ZNF385B: variants seen among roughly 807,000 people sequenced by gnomAD.
The protein encoded by ZNF385B is zinc finger protein 533.
In ZNF385B, 23 loss-of-function variants were observed where a neutral mutation model predicts 39.2. The observed-to-expected ratio is 0.59, with a 90% CI of 0.42 to 0.83. The LOEUF is 0.83. Among genes scored for constraint, ZNF385B ranks in the 40% least tolerant of loss-of-function variants. The probability of loss-of-function intolerance (pLI) is 0.00; values close to 1 mark genes in which losing one functional copy is unlikely to be tolerated. For synonymous variants in ZNF385B, 205 were observed against 222.6 expected, an observed-to-expected ratio of 0.92 and a Z score of 0.70; for missense variants, 552 against 598.9, an observed-to-expected ratio of 0.92 and a Z score of 0.82.
At chr2:179,810,342 A>AT (rs2106565732) in intron 1 of ZNF385B, among the ~76,000 whole-genome samples, 1 of 152,064 alleles carries the variant, frequency 6.6e-6, no homozygotes, top group African/African-American at 2.4e-5. Flanking sequence ...AAAATCTGAA[A>AT]TCTTAAAATG....
intron 3 of ZNF385B, among the ~76,000 whole-genome samples, chr2:179,654,743 TCTTA>T (rs1693561019): frequency 6.6e-6 from 1 of 152,194 alleles, no homozygotes; most frequent in African/African-American, 2.4e-5. Context: ...AACATTTGCC[TCTTA>T]CTGTCTTAAA....
At chr2:179,602,285 G>A (rs577096757) in intron 3 of ZNF385B, among the ~76,000 whole-genome samples, 9 of 152,142 alleles carry the variant, frequency 5.9e-5, no homozygotes, top group African/African-American at 9.6e-5. Flanking sequence ...AGGCTCTGTC[G>A]CCCTGGGTTC....
intron 3 of ZNF385B, chr2:179,745,624 G>GAC: frequency 8.8e-7 from 1 of 1,133,370 alleles, no homozygotes. Flanking sequence ...CACAATTGAG[G>GAC]ACTCCACAGG....
intron 3 of ZNF385B, among the ~76,000 whole-genome samples, chr2:179,657,873 T>C (rs1033971607): frequency 2.6e-5 from 4 of 152,180 alleles, no homozygotes; most frequent in African/African-American, 9.7e-5. Context: ...AAAGGACAAG[T>C]AGTTTTCGTG....
At chr2:179,515,791 T>C (rs1165331628) in intron 5 of ZNF385B, among the ~76,000 whole-genome samples, 1 of 152,162 alleles carries the variant, frequency 6.6e-6, no homozygotes, top group Non-Finnish European at 1.5e-5. Context: ...ACTCTATATA[T>C]AGTAAAATTT....
At chr2:179,538,864 A>G (rs2059744691) in intron 4 of ZNF385B, among the ~76,000 whole-genome samples, 1 of 152,242 alleles carries the variant, frequency 6.6e-6, no homozygotes, top group Non-Finnish European at 1.5e-5. Context: ...TCACAAAAAC[A>G]TTTCAAATAA....
Position 179,615,349 on chromosome 2 carries a change from G to T in ZNF385B, c.299-70380C>A, listed in dbSNP as rs538033488. On this transcript the variant is annotated intron_variant, in intron 3 of 9. Transcript: ENST00000410066. ...TATTATATAGTGTTTCTTAAAGTGT[G>T]GTCCTTGTACCAGCAGGAGAAGCAA... Among the ~76,000 whole-genome samples, 39 of 152,246 alleles carry T rather than the reference G, an allele frequency of 2.6e-4. 1 individual carries two copies. The highest frequency in any genetic ancestry group is 9.4e-4 in the African/African-American group (39 of 41,540).
intron 3 of ZNF385B, among the ~76,000 whole-genome samples, chr2:179,566,188 TGA>T (rs1684555923): frequency 1.3e-5 from 2 of 152,252 alleles, no homozygotes; most frequent in Non-Finnish European, 2.9e-5. Context: ...ACATGGATTA[TGA>T]GAATTACAGA....
chr2:179,761,276 A>G (rs1703369011), intron 3 of ZNF385B, among the ~76,000 whole-genome samples: 1 of 152,196 alleles, frequency 6.6e-6, no homozygotes, highest in Non-Finnish European at 1.5e-5. Flanking sequence ...TATGTCTACA[A>G]AAAGAACTTG....
intron 1 of ZNF385B, among the ~76,000 whole-genome samples, chr2:179,805,569 C>T (rs370396606): frequency 3.9e-5 from 6 of 152,130 alleles, no homozygotes; most frequent in Non-Finnish European, 8.8e-5. Flanking sequence ...GGTTTCAAGG[C>T]GTGGGTTTGA....
chr2:179,858,977 T>C (rs1006855477), intron 1 of ZNF385B, among the ~76,000 whole-genome samples: 12 of 152,230 alleles, frequency 7.9e-5, no homozygotes, highest in Non-Finnish European at 7.3e-5. Context: ...AAGATCCTTG[T>C]CTTTTTCATG....
intron 1 of ZNF385B, among the ~76,000 whole-genome samples, chr2:179,778,793 T>C (rs1200600398): frequency 2.6e-5 from 4 of 152,172 alleles, no homozygotes; most frequent in Admixed American, 1.3e-4. Context: ...ATAAAAAAGA[T>C]TGGAGAAAAA....
intron 6 of ZNF385B, among the ~76,000 whole-genome samples, chr2:179,451,995 C>T (rs2105593703): frequency 6.6e-6 from 1 of 152,228 alleles, no homozygotes; most frequent in East Asian, 1.9e-4. Context: ...AGTATTCCCT[C>T]ACCTAATGTT....
intron 5 of ZNF385B, among the ~76,000 whole-genome samples, chr2:179,493,686 C>G (rs948154112): frequency 1.4e-5 from 1 of 70,322 alleles, no homozygotes; most frequent in African/African-American, 4.8e-5. Context: ...TATACATATA[C>G]ACATATATAC....
intron 1 of ZNF385B, among the ~76,000 whole-genome samples, chr2:179,796,813 C>A (rs905738696): frequency 6.6e-6 from 1 of 152,114 alleles, no homozygotes; most frequent in Admixed American, 6.5e-5. Flanking sequence ...GGCTTGAGCA[C>A]CCCAGCACCG....
rs377664954 is a variant in ZNF385B at position 179,654,609 on chromosome 2, T to A, written c.299-109640A>T. ...ATATTAATTCTTCATGATACTTTAG[T>A]TCCAAGTTCAAGTATGTGAACATCA... is the stretch of plus-strand genomic sequence containing the variant. On this transcript the variant is annotated intron_variant, in intron 3 of 9. Transcript: ENST00000410066. 4.6e-5 allele frequency among the ~76,000 whole-genome samples: 7 copies of A among 152,328 alleles called. No homozygotes were observed. In the East Asian group the frequency reaches 1.2e-3, roughly 25 times the overall value.
chr2:179,714,113 T>C (rs1394915194), intron 3 of ZNF385B, among the ~76,000 whole-genome samples: 3 of 152,064 alleles, frequency 2.0e-5, no homozygotes, highest in Non-Finnish European at 4.4e-5. Context: ...GACAAACCTA[T>C]GAAGAACTGA....
intron 1 of ZNF385B, among the ~76,000 whole-genome samples, chr2:179,821,746 T>C (rs541512435): frequency 4.6e-5 from 7 of 152,206 alleles, no homozygotes; most frequent in African/African-American, 9.6e-5. Flanking sequence ...GCCTTGACTA[T>C]AGATTGCAGA....
intron 1 of ZNF385B, among the ~76,000 whole-genome samples, chr2:179,779,752 G>A (rs1008115790): frequency 2.6e-5 from 4 of 152,134 alleles, no homozygotes; most frequent in African/African-American, 9.6e-5. Flanking sequence ...CTAGTGTCAG[G>A]GATGACTCCA....
Sources: allele counts gnomAD v4.1 joint callset (sites outside exome capture counted in the v4.1 genomes callset), GRCh38; gene constraint gnomAD v4.1.1; transcripts MANE v1.5; gene names NCBI Gene and HGNC (gene_info 2026-07-23, HGNC 2026-07-21).